Variants in RBM38 observed in about 807,000 individuals in gnomAD.
RBM38 encodes the protein RNA-binding protein 38.
Under a neutral mutation model 23.5 loss-of-function variants are expected in RBM38, and 11 were observed. The observed-to-expected ratio is 0.47, with a 90% confidence interval of 0.29 to 0.77. RBM38 has a LOEUF of 0.77. Among genes scored for constraint, RBM38 ranks in the 30% least tolerant of loss-of-function variants. The pLI is 0.08. For missense variants in RBM38, 330 were observed against 351.9 expected (o/e 0.94, Z 0.50); for synonymous variants, 165 against 166.1 (o/e 0.99, Z 0.05).
chr20:57,402,981 C>T (rs1466980500), intron 3 of RBM38, among the ~76,000 whole-genome samples: 2 of 152,240 alleles, frequency 1.3e-5, no homozygotes, highest in Non-Finnish European at 2.9e-5. Flanking sequence ...CTTGGCACTG[C>T]GGACCTTTAG....
In RBM38 at chr20:57,391,712, A is replaced by T. The variant is rs1262926666; in HGVS notation, c.131A>T (p.His44Leu). ...ATCTTCGTGGGCGGCCTGCCGTACC[A>T]CACTACCGACGCCTCGCTCAGGAAG... is the stretch of plus-strand genomic sequence containing the variant. ...TKIFVGGLPY[H>L]TTDASLRKYF... Residue 44 changes from histidine to leucine, a missense_variant, in exon 1 of 4, where the codon CAC (histidine) becomes CTC (leucine). His to Leu is a moderately conservative substitution (Grantham distance 99, BLOSUM62 -3). This residue lies in a region of RBM38 where 95 missense variants were observed against 111.9 expected (regional missense o/e 0.85). Transcript: ENST00000356208. 6.5e-7 allele frequency: 1 copy of T among 1,534,330 alleles called. No individual in the cohort carries two copies.
chr20:57,406,060 G>A (rs1403142477), intron 3 of RBM38, among the ~76,000 whole-genome samples: 1 of 152,224 alleles, frequency 6.6e-6, no homozygotes, highest in African/African-American at 2.4e-5. Flanking sequence ...GGCCTGGCCT[G>A]TGTAACACGC....
In RBM38 at chr20:57,391,499, C is replaced by T. The variant is rs1163400715; in HGVS notation, c.-83C>T. 9 of 282,416 alleles carry T rather than the reference C, an allele frequency of 3.2e-5. No individual in the cohort carries two copies. Among genetic ancestry groups the T allele is most frequent in the Non-Finnish European group, 4.2e-5 (8 of 189,982 alleles). 17.5% of individuals were successfully genotyped at this position (282,416 alleles called of 1,614,324 possible). On this transcript the variant is annotated 5_prime_UTR_variant, in exon 1 of 4. Coordinates refer to ENST00000356208, the MANE Select transcript of RBM38 (RefSeq NM_017495.6). ...CGGGCCTGGCGGCTGGACGGGCGCC[C>T]CTCGCTGCCCCGCGCGCTCCCCGCC...
rs55692124 is a variant in RBM38 at position 57,407,955 on chromosome 20, C to T, written c.*109C>T. 0.055 allele frequency: 75,722 copies of T among 1,374,388 alleles called. 2,453 individuals carry two copies. Among genetic ancestry groups the T allele is most frequent in the Non-Finnish European group, 0.062 (63,535 of 1,027,220 alleles). The allele number at this position is 1,374,388 out of a possible 1,614,324, so 85.1% of individuals were successfully genotyped here. ...CGGCTGAGCTTCAGTGAGGTGCCAC[C>T]AGCACCCGTGCCTCCGAAGACCGCT... On this transcript the variant is annotated 3_prime_UTR_variant, in exon 4 of 4. Transcript: ENST00000356208. The surrounding 1 kb of genome is among the most constrained non-coding windows in gnomAD (Gnocchi z 4.0).
chr20:57,391,911 C>T (rs1370428368), intron 1 of RBM38, 93 bp downstream of exon 1: 26 of 902,440 alleles, frequency 2.9e-5, no homozygotes, highest in Non-Finnish European at 3.8e-5. Flanking sequence ...CCCAGACGGC[C>T]CGCTGCCGCC....
intron 3 of RBM38, among the ~76,000 whole-genome samples, chr20:57,399,673 G>GGCGACCT (rs2067308096): frequency 6.6e-6 from 1 of 152,222 alleles, no homozygotes; most frequent in Non-Finnish European, 1.5e-5. Flanking sequence ...TGTGTCCTGT[G>GGCGACCT]GCTGGCTGCC....
chr20:57,402,168 A>G (rs1272256347), intron 3 of RBM38, among the ~76,000 whole-genome samples: 1 of 151,922 alleles, frequency 6.6e-6, no homozygotes, highest in Non-Finnish European at 1.5e-5. Flanking sequence ...GATGGTCTCA[A>G]TCTCCTGACC....
At chr20:57,403,262 A>G (rs971247772) in intron 3 of RBM38, among the ~76,000 whole-genome samples, 5 of 152,230 alleles carry the variant, frequency 3.3e-5, no homozygotes, top group South Asian at 2.1e-4. Flanking sequence ...CAGATGAGGA[A>G]ACTGCGCCTT....
chr20:57,404,619 A>G (rs2067363158), intron 3 of RBM38, among the ~76,000 whole-genome samples: 1 of 151,790 alleles, frequency 6.6e-6, no homozygotes, highest in African/African-American at 2.4e-5. Context: ...CATCCTTCTC[A>G]GTGGGGTCTG....
Position 57,408,246 on chromosome 20 carries a change from A to G in RBM38, c.*400A>G. 7.3e-6 allele frequency: 2 copies of G among 272,976 alleles called. No individual in the cohort carries two copies. Among genetic ancestry groups the G allele is most frequent in the African/African-American group, 4.3e-5 (2 of 46,692 alleles). 16.9% of individuals were successfully genotyped at this position (272,976 alleles called of 1,614,324 possible). ...CCCCTGGCTGCCCTGGACTGTGCAG[A>G]GATGCCTGACTCCAGGGAAACCTGA... On this transcript the variant is annotated 3_prime_UTR_variant, in exon 4 of 4. Transcript: ENST00000356208.
chr20:57,397,488 T>C (rs2067285983), intron 3 of RBM38, among the ~76,000 whole-genome samples: 1 of 152,144 alleles, frequency 6.6e-6, no homozygotes, highest in African/African-American at 2.4e-5. Context: ...CCCCACTGCA[T>C]GTATAGTTTC....
At chr20:57,397,344 G>C (rs1479845822) in intron 3 of RBM38, among the ~76,000 whole-genome samples, 1 of 152,132 alleles carries the variant, frequency 6.6e-6, no homozygotes, top group African/African-American at 2.4e-5. Context: ...CCTGAGCTGT[G>C]GGCTGCGAGA....
chr20:57,392,832 G>T (rs748510835), intron 2 of RBM38, 55 bp downstream of exon 2: 3 of 1,588,882 alleles, frequency 1.9e-6, no homozygotes, highest in Non-Finnish European at 2.6e-6. Context: ...TTGGGTGTCG[G>T]TATCTGTCGG....
In RBM38 at chr20:57,407,218, T is replaced by C. The variant is rs6025542; in HGVS notation, c.417-325T>C. On this transcript the variant is annotated intron_variant, in intron 3 of 3. Coordinates refer to ENST00000356208, the MANE Select transcript of RBM38 (RefSeq NM_017495.6). The surrounding 1 kb of genome is among the most constrained non-coding windows in gnomAD (Gnocchi z 4.0). ...GTCGTGGCTTCAAACTCTCAATCAT[T>C]TGAAAACAACCATTCAAGATTTTTA... 7.2e-3 allele frequency among the ~76,000 whole-genome samples: 1,093 copies of C among 152,218 alleles called. 10 individuals carry two copies. The highest frequency in any genetic ancestry group is 0.024 in the African/African-American group (1,014 of 41,510).
intron 3 of RBM38, among the ~76,000 whole-genome samples, chr20:57,400,444 A>G (rs1203193909): frequency 1.3e-5 from 2 of 152,098 alleles, no homozygotes; most frequent in Non-Finnish European, 2.9e-5. Flanking sequence ...CCCTCCCGGC[A>G]TGGCCTGGCC....
At chr20:57,394,134 C>T (rs1251541860) in intron 3 of RBM38, among the ~76,000 whole-genome samples, 1 of 152,144 alleles carries the variant, frequency 6.6e-6, no homozygotes, top group Non-Finnish European at 1.5e-5. Context: ...AGACCACCAC[C>T]CCTTTCAGGG....
chr20:57,395,735 C>G (rs1430349795), intron 3 of RBM38, among the ~76,000 whole-genome samples: 1 of 152,144 alleles, frequency 6.6e-6, no homozygotes, highest in East Asian at 1.9e-4. Context: ...CAGCTGTCTG[C>G]CCCCAGCCCC....
At chr20:57,400,099 G>T in intron 3 of RBM38, 2 of 427,818 alleles carry the variant, frequency 4.7e-6, no homozygotes, top group Non-Finnish European at 9.4e-6. Context: ...TCTGTCTTGG[G>T]GGCAATCTGT....
intron 3 of RBM38, among the ~76,000 whole-genome samples, chr20:57,404,784 GCCTCCAT>G (rs1196560060): frequency 2.0e-5 from 3 of 152,266 alleles, no homozygotes; most frequent in Non-Finnish European, 2.9e-5. Context: ...TGAGGGGCTG[GCCTCCAT>G]GTGGGGTTGG....
Sources: gnomAD v4.1 joint callset for allele counts (sites outside exome capture counted in the v4.1 genomes callset) on GRCh38, gnomAD v4.1.1 for gene constraint, gnomAD v4.1.1 regional missense constraint, Gnocchi (gnomAD v3.1) non-coding constraint, MANE v1.5 for transcripts, NCBI Gene and HGNC (gene_info 2026-07-23, HGNC 2026-07-21) for gene names.